The following MAGI2 variants were observed in gnomAD, a reference collection of about 807,000 sequenced individuals.
MAGI2 encodes the protein membrane associated guanylate kinase, WW and PDZ domain containing 2.
Under a neutral mutation model 133.3 loss-of-function variants are expected in MAGI2, and 35 were observed. The ratio of observed to expected loss-of-function variants is 0.26; its 90% confidence interval spans 0.20 to 0.35. MAGI2 has a LOEUF of 0.35. Ranked by LOEUF, MAGI2 falls within the 10% of genes least tolerant of loss-of-function variation. The probability of loss-of-function intolerance (pLI) is 1.00; values close to 1 mark genes in which losing one functional copy is unlikely to be tolerated. For missense variants in MAGI2, 1,636 were observed against 1,863.4 expected, an observed-to-expected ratio of 0.88 and a Z score of 2.25; for synonymous variants, 729 against 710.6, an observed-to-expected ratio of 1.03 and a Z score of -0.41.
chr7:79,336,193 C>T (rs577368412), intron 1 of MAGI2, among the ~76,000 whole-genome samples: 2 of 152,120 alleles, frequency 1.3e-5, no homozygotes, highest in South Asian at 4.1e-4. Context: ...ATAGATTTAT[C>T]ATGAAGCTAC....
chr7:78,427,014 A>G (rs941601680), intron 6 of MAGI2, among the ~76,000 whole-genome samples: 1 of 152,220 alleles, frequency 6.6e-6, no homozygotes, highest in African/African-American at 2.4e-5. Context: ...TCAATGCTCT[A>G]ACATTTTACA....
intron 1 of MAGI2, among the ~76,000 whole-genome samples, chr7:79,383,876 G>A (rs1843988548): frequency 6.6e-6 from 1 of 151,242 alleles, no homozygotes; most frequent in African/African-American, 2.4e-5. Context: ...ATACTACAAG[G>A]ATTTCCATTA....
intron 2 of MAGI2, among the ~76,000 whole-genome samples, chr7:78,806,096 T>C (rs767625325): frequency 2.0e-5 from 3 of 152,208 alleles, no homozygotes; most frequent in South Asian, 2.1e-4. Flanking sequence ...AGCTGACTTG[T>C]TGGATAAAGT....
intron 2 of MAGI2, among the ~76,000 whole-genome samples, chr7:78,647,383 C>T (rs1563291663): frequency 6.6e-6 from 1 of 152,124 alleles, no homozygotes; most frequent in Non-Finnish European, 1.5e-5. Context: ...AGCCCACAGA[C>T]ATATGAAAAA....
chr7:78,073,763 T>A (rs1859459), intron 21 of MAGI2, among the ~76,000 whole-genome samples: 18,295 of 152,236 alleles, frequency 0.12, 1,362 homozygotes, highest in African/African-American at 0.2. Context: ...CTAATCTGTA[T>A]AATTTATTCC....
chr7:78,062,786 T>C (rs888455912), intron 21 of MAGI2, among the ~76,000 whole-genome samples: 1 of 152,176 alleles, frequency 6.6e-6, no homozygotes, highest in Non-Finnish European at 1.5e-5. Context: ...CTCACTTAAG[T>C]GTCTCTCAGG....
chr7:78,692,228 G>A (rs1221245191), intron 2 of MAGI2, among the ~76,000 whole-genome samples: 1 of 152,170 alleles, frequency 6.6e-6, no homozygotes, highest in Admixed American at 6.5e-5. Flanking sequence ...AATCATGTTT[G>A]TAAATAAACA....
intron 1 of MAGI2, among the ~76,000 whole-genome samples, chr7:79,038,337 G>A (rs1189491539): frequency 6.6e-6 from 1 of 152,076 alleles, no homozygotes; most frequent in Admixed American, 6.5e-5. Flanking sequence ...TTTAATTCAT[G>A]TATTTTTTTA....
intron 8 of MAGI2, chr7:78,345,562 G>C (rs1790815725): frequency 4.8e-6 from 1 of 206,928 alleles, no homozygotes. Context: ...ATGTCCATGA[G>C]GAGCTGTCTA....
chr7:78,183,992 C>A (rs918388878), intron 13 of MAGI2, among the ~76,000 whole-genome samples: 3 of 152,198 alleles, frequency 2.0e-5, no homozygotes, highest in African/African-American at 7.2e-5. Flanking sequence ...ACGTAATATA[C>A]CCCAACTATA....
At chr7:78,553,106 A>AAC (rs1554471579) in intron 3 of MAGI2, among the ~76,000 whole-genome samples, 3 of 150,938 alleles carry the variant, frequency 2.0e-5, no homozygotes, top group African/African-American at 4.9e-5. Flanking sequence ...AAAAAAAAAA[A>AAC]AACAAACACC....
At chr7:78,993,300 T>C (rs1199678696) in intron 2 of MAGI2, among the ~76,000 whole-genome samples, 1 of 152,098 alleles carries the variant, frequency 6.6e-6, no homozygotes, top group Non-Finnish European at 1.5e-5. Context: ...TAAAATCTGA[T>C]AACAATTATT....
intron 3 of MAGI2, among the ~76,000 whole-genome samples, chr7:78,594,827 A>AC (rs1474782124): frequency 6.6e-6 from 1 of 152,086 alleles, no homozygotes; most frequent in Non-Finnish European, 1.5e-5. Context: ...AGCTCCCCAA[A>AC]CCTCCATAAT....
At chr7:79,405,094 G>A (rs1845718945) in intron 1 of MAGI2, among the ~76,000 whole-genome samples, 1 of 152,100 alleles carries the variant, frequency 6.6e-6, no homozygotes. Context: ...ACTACAAGGT[G>A]TCAGAAAATT....
intron 1 of MAGI2, among the ~76,000 whole-genome samples, chr7:79,226,442 C>T (rs1202630604): frequency 6.6e-6 from 1 of 152,080 alleles, no homozygotes; most frequent in Non-Finnish European, 1.5e-5. Flanking sequence ...CCTTTTTATA[C>T]TGATCACTGA....
At chr7:78,514,552 C>T (rs1795882805) in intron 4 of MAGI2, among the ~76,000 whole-genome samples, 2 of 152,116 alleles carry the variant, frequency 1.3e-5, no homozygotes, top group African/African-American at 4.8e-5. Flanking sequence ...AAATTAAGCC[C>T]TTCTCACCCC....
intron 7 of MAGI2, among the ~76,000 whole-genome samples, chr7:78,367,384 T>C (rs955805680): frequency 6.6e-6 from 1 of 152,104 alleles, no homozygotes; most frequent in African/African-American, 2.4e-5. Context: ...GCTGAAGATA[T>C]GAAAAAACAA....
chr7:78,317,661 A>G (rs112066540), intron 9 of MAGI2, among the ~76,000 whole-genome samples: 26,888 of 152,138 alleles, frequency 0.18, 3,815 homozygotes, highest in African/African-American at 0.38. Flanking sequence ...TGCCTCCTCA[A>G]GTGGGTCCCT....
At position 78,756,517 on chromosome 7, in the gene MAGI2, C is replaced by G. The variant is rs545716458; in HGVS notation, c.419-129278G>C. On this transcript the variant is annotated intron_variant, in intron 2 of 21. Transcript: ENST00000354212. ...TTTGCCAGTTGTTCAGAGAATGAAC[C>G]GATTAGTGGGAATGGGCAGCAATAC... 2.0e-5 allele frequency among the ~76,000 whole-genome samples: 3 copies of G among 151,982 alleles called. No homozygotes were observed. The East Asian group carries it at 5.8e-4, about 29-fold the overall frequency.
Sources: gnomAD v4.1 joint callset for allele counts (sites outside exome capture counted in the v4.1 genomes callset) on GRCh38, gnomAD v4.1.1 for gene constraint, MANE v1.5 for transcripts, NCBI Gene and HGNC (gene_info 2026-07-23, HGNC 2026-07-21) for gene names.